XKR9: variants seen among roughly 807,000 people sequenced by gnomAD.
The protein encoded by XKR9 is XK related 9.
In XKR9, 32 loss-of-function variants were observed where a neutral mutation model predicts 32.0. That is an observed-to-expected ratio of 1.00 (90% CI 0.76 to 1.34). The LOEUF (loss-of-function observed/expected upper bound fraction) is 1.34, where lower values mean the gene tolerates loss of function less well. Ranked by LOEUF, XKR9 falls within the 40% of genes most tolerant of loss-of-function variation. The probability of loss-of-function intolerance (pLI) is 0.00; values close to 1 mark genes in which losing one functional copy is unlikely to be tolerated. For synonymous variants in XKR9, 168 were observed against 143.4 expected (o/e 1.17, Z -1.22); for missense variants, 546 against 429.7 (o/e 1.27, Z -2.39).
chr8:71,035,935 A>C, the XKR9 span, among the ~76,000 whole-genome samples: 1 of 152,208 alleles, frequency 6.6e-6, no homozygotes, highest in Non-Finnish European at 1.5e-5. Context: ...ACAGGAATAC[A>C]GAGAAGAATC....
chr8:70,826,815 T>G, the XKR9 span, among the ~76,000 whole-genome samples: 2 of 152,150 alleles, frequency 1.3e-5, no homozygotes. Context: ...TCTCAACATA[T>G]TATTACAAAT....
the XKR9 span, among the ~76,000 whole-genome samples, chr8:70,938,673 T>C: frequency 2.6e-5 from 4 of 152,080 alleles, no homozygotes; most frequent in Admixed American, 2.0e-4. Flanking sequence ...AGCAGGTTCC[T>C]GGGATATGAC....
the XKR9 span, among the ~76,000 whole-genome samples, chr8:70,872,961 CA>C: frequency 9.9e-5 from 15 of 152,160 alleles, no homozygotes; most frequent in African/African-American, 3.6e-4. Flanking sequence ...CATCTGGCCA[CA>C]GCTGGTACTT....
intron 3 of XKR9, among the ~76,000 whole-genome samples, chr8:70,688,759 A>G (rs989940229): frequency 2.0e-5 from 3 of 151,456 alleles, no homozygotes; most frequent in African/African-American, 7.3e-5. Flanking sequence ...AGGAAGCAAT[A>G]GCCAGTATAT....
the XKR9 span, among the ~76,000 whole-genome samples, chr8:70,981,149 G>T: frequency 6.6e-6 from 1 of 152,102 alleles, no homozygotes; most frequent in Non-Finnish European, 1.5e-5. Context: ...AATTTCCCAG[G>T]TGTTCTTTGA....
At chr8:70,818,559 A>G in the XKR9 span, among the ~76,000 whole-genome samples, 3 of 152,186 alleles carry the variant, frequency 2.0e-5, no homozygotes, top group Non-Finnish European at 4.4e-5. Context: ...GAATGAGTAA[A>G]TGAATATATC....
the XKR9 span, among the ~76,000 whole-genome samples, chr8:70,808,983 G>A: frequency 1.4e-4 from 21 of 152,328 alleles, no homozygotes; most frequent in South Asian, 3.7e-3. Flanking sequence ...ATCTGAGAAC[G>A]CACAGACTGC....
chr8:70,869,281 C>A, the XKR9 span, among the ~76,000 whole-genome samples: 1 of 152,102 alleles, frequency 6.6e-6, no homozygotes, highest in Non-Finnish European at 1.5e-5. Context: ...TAAAGACATA[C>A]CCAAGACTAG....
the XKR9 span, among the ~76,000 whole-genome samples, chr8:70,848,472 G>A: frequency 1.3e-5 from 2 of 151,950 alleles, no homozygotes; most frequent in African/African-American, 2.4e-5. Context: ...GAAATGAAAG[G>A]CATCTAAGTT....
intron 2 of XKR9, among the ~76,000 whole-genome samples, chr8:70,774,582 G>C (rs1289154468): frequency 6.6e-6 from 1 of 152,114 alleles, no homozygotes; most frequent in Non-Finnish European, 1.5e-5. Context: ...CTTTTTGTGT[G>C]TGTAGTATGA....
the XKR9 span, among the ~76,000 whole-genome samples, chr8:70,902,639 T>G: frequency 6.6e-6 from 1 of 152,198 alleles, no homozygotes; most frequent in South Asian, 2.1e-4. Flanking sequence ...TTCTACTGCC[T>G]GATTGCCCTG....
chr8:71,061,570 C>A, the XKR9 span, among the ~76,000 whole-genome samples: 1 of 152,168 alleles, frequency 6.6e-6, no homozygotes, highest in African/African-American at 2.4e-5. Context: ...TGGTTTCTTT[C>A]AAAAAGCCTT....
At chr8:70,992,568 T>A in the XKR9 span, among the ~76,000 whole-genome samples, 1 of 152,192 alleles carries the variant, frequency 6.6e-6, no homozygotes, top group Non-Finnish European at 1.5e-5. Context: ...GTGAGACCGG[T>A]GCAAGGATTA....
chr8:70,964,680 ACTGTATTCCTAGGTATTTTATT>A, the XKR9 span, among the ~76,000 whole-genome samples: 1 of 152,002 alleles, frequency 6.6e-6, no homozygotes, highest in East Asian at 1.9e-4. Context: ...TCCCTTGTTC[ACTGTATTCCTAGGTATTTTATT>A]CTCTTTGTAG....
At chr8:70,966,099 G>T in the XKR9 span, among the ~76,000 whole-genome samples, 2 of 152,004 alleles carry the variant, frequency 1.3e-5, no homozygotes, top group Admixed American at 1.3e-4. Flanking sequence ...TATCCCAGAG[G>T]TTCTGGTATG....
At chr8:70,679,552 A>G in intron 2 of XKR9, among the ~76,000 whole-genome samples, 1 of 152,198 alleles carries the variant, frequency 6.6e-6, no homozygotes, top group South Asian at 2.1e-4. Context: ...GGGCCAGATG[A>G]CTACTGCGAT....
intron 2 of XKR9, among the ~76,000 whole-genome samples, chr8:70,787,050 G>T (rs1456526890): frequency 1.3e-5 from 2 of 152,074 alleles, no homozygotes; most frequent in East Asian, 3.9e-4. Context: ...AGGCAATCAT[G>T]CAAAGTCTTT....
intron 2 of XKR9, among the ~76,000 whole-genome samples, chr8:70,679,207 C>T (rs569498482): frequency 2.2e-4 from 34 of 152,226 alleles, no homozygotes; most frequent in African/African-American, 8.2e-4. Flanking sequence ...AAGATCATAC[C>T]ACAGTACTTT....
At chr8:70,743,563 C>T (rs775259326) in intron 2 of XKR9, among the ~76,000 whole-genome samples, 19 of 152,086 alleles carry the variant, frequency 1.2e-4, no homozygotes, top group Non-Finnish European at 2.8e-4. Flanking sequence ...GTAACTTGAA[C>T]TTTAAACTCT....
Sources: gnomAD v4.1 joint callset for allele counts (sites outside exome capture counted in the v4.1 genomes callset) on GRCh38, gnomAD v4.1.1 for gene constraint, MANE v1.5 for transcripts, NCBI Gene and HGNC (gene_info 2026-07-23, HGNC 2026-07-21) for gene names.